The following RHOBTB3 variants were observed in gnomAD, a reference collection of about 807,000 sequenced individuals.
The protein encoded by RHOBTB3 is rho-related BTB domain-containing protein 3.
RHOBTB3 carries 47 observed loss-of-function variants against 67.2 expected under a neutral mutation model. That is an observed-to-expected ratio of 0.70 (90% confidence interval 0.55 to 0.89). The LOEUF (loss-of-function observed/expected upper bound fraction) is 0.89. Ranked by LOEUF, RHOBTB3 falls within the 40% of genes least tolerant of loss-of-function variation. The probability of loss-of-function intolerance (pLI) is 0.00; values close to 1 mark genes in which losing one functional copy is unlikely to be tolerated. For synonymous variants in RHOBTB3, 273 were observed against 274.2 expected (o/e 1.00, Z 0.04); for missense variants, 631 against 750.0 (o/e 0.84, Z 1.85).
At chr5:95,722,824 A>G (rs1438518771) in intron 1 of RHOBTB3, among the ~76,000 whole-genome samples, 1 of 152,264 alleles carries the variant, frequency 6.6e-6, no homozygotes, top group Non-Finnish European at 1.5e-5. Flanking sequence ...ATAACAGAGC[A>G]GGCATATTAA....
At chr5:95,752,564 A>G (rs1267695387) in intron 5 of RHOBTB3, among the ~76,000 whole-genome samples, 1 of 152,206 alleles carries the variant, frequency 6.6e-6, no homozygotes, top group Non-Finnish European at 1.5e-5. Context: ...TTTGAGAAAT[A>G]CTGCTTTAAA....
At chr5:95,747,151 G>A (rs1744945129) in intron 3 of RHOBTB3, among the ~76,000 whole-genome samples, 1 of 151,996 alleles carries the variant, frequency 6.6e-6, no homozygotes. Context: ...CCTGCTCCAG[G>A]GGCTCAGCCC....
chr5:95,753,747 T>G (rs900186794), intron 5 of RHOBTB3, among the ~76,000 whole-genome samples: 4 of 152,184 alleles, frequency 2.6e-5, no homozygotes, highest in Admixed American at 6.5e-5. Context: ...TTAGTTCTTA[T>G]TAATCAAGAA....
chr5:95,734,854 A>AT (rs35287757), intron 2 of RHOBTB3, among the ~76,000 whole-genome samples: 7 of 152,010 alleles, frequency 4.6e-5, no homozygotes, highest in African/African-American at 1.7e-4. Context: ...GCCCAGACCC[A>AT]TTTTTTCATA....
intron 5 of RHOBTB3, among the ~76,000 whole-genome samples, chr5:95,754,306 T>G (rs1372378167): frequency 2.6e-5 from 4 of 152,100 alleles, no homozygotes; most frequent in Admixed American, 6.6e-5. Flanking sequence ...TCTGGGTACA[T>G]ATTTGGGGCT....
Position 95,794,167 on chromosome 5 carries a change from G to T in RHOBTB3, c.*993G>T, listed in dbSNP as rs578182601. The T allele has an allele frequency of 2.0e-4, 76 of 386,192 alleles. No individual in the cohort carries two copies. Among genetic ancestry groups the T allele is most frequent in the Non-Finnish European group, 3.6e-4 (70 of 196,982 alleles). 23.9% of individuals were successfully genotyped at this position (386,192 alleles called of 1,614,324 possible). ...GGGAGAAATGTGTTGTGTTGTCTTA[G>T]CTTTAAAACAGTCACAGTTCTTGCT... On this transcript the variant is annotated 3_prime_UTR_variant, in exon 12 of 12. Transcript: ENST00000379982.
Position 95,748,479 on chromosome 5 carries a change from G to A in RHOBTB3, c.562G>A (p.Gly188Arg), listed in dbSNP as rs1416259036. The change falls in exon 4 of 12, where the codon GGA (glycine) becomes AGA (arginine). Residue 188 changes from glycine (G) to arginine (R), a missense_variant. Gly to Arg is a moderately radical substitution (Grantham distance 125, BLOSUM62 -2). Coordinates refer to ENST00000379982, the MANE Select transcript of RHOBTB3 (RefSeq NM_014899.4). The part of the protein sequence containing the change: ...LDDFYIGKYF[G>R]GVLEYFMIQA... ...TGACTTCTACATAGGAAAGTATTTTGGAGGAGTGGTAAGTGGAAATTCCTG... is the reference window on the plus strand; with the variant it reads ...TGACTTCTACATAGGAAAGTATTTTAGAGGAGTGGTAAGTGGAAATTCCTG... 6.2e-7 allele frequency: 1 copy of A among 1,608,432 alleles called. No individual in the cohort carries two copies. Among genetic ancestry groups the A allele is most frequent in the Non-Finnish European group, 8.5e-7 (1 of 1,177,130 alleles).
At chr5:95,734,930 A>C (rs544658519) in intron 2 of RHOBTB3, among the ~76,000 whole-genome samples, 1 of 152,180 alleles carries the variant, frequency 6.6e-6, no homozygotes, top group African/African-American at 2.4e-5. Flanking sequence ...ATTTTGAACT[A>C]TTTGGAATTC....
chr5:95,778,463 T>C (rs1289564519), intron 8 of RHOBTB3, among the ~76,000 whole-genome samples: 5 of 151,990 alleles, frequency 3.3e-5, no homozygotes, highest in Admixed American at 2.0e-4. Context: ...GTGGAACCCA[T>C]GGATTCGGAG....
At chr5:95,763,442 A>T in intron 6 of RHOBTB3, 66 bp from the exon 7 acceptor site, 1 of 902,914 alleles carries the variant, frequency 1.1e-6, no homozygotes, top group Non-Finnish European at 1.8e-6. Flanking sequence ...TGTATTTAAT[A>T]AGAGATTTAC....
Position 95,736,883 on chromosome 5 carries a change from GT to G in RHOBTB3, c.229-3del. On this transcript the variant is annotated splice_region_variant and splice_polypyrimidine_tract_variant and intron_variant, in intron 2 of 11. Transcript: ENST00000379982. ...ACTAAAGATTGCTATTTGCATTTTG[GT>G]TTAGGACATATTTGACAGTGATTGG... 6.3e-7 allele frequency: 1 copy of G among 1,582,012 alleles called. No individual in the cohort carries two copies. The highest frequency in any genetic ancestry group is 8.6e-7 in the Non-Finnish European group (1 of 1,165,724).
chr5:95,791,052 T>A (rs1007765853), intron 11 of RHOBTB3, among the ~76,000 whole-genome samples: 1 of 152,168 alleles, frequency 6.6e-6, no homozygotes, highest in African/African-American at 2.4e-5. Context: ...CCACTGCACA[T>A]GGTCACCTGA....
intron 8 of RHOBTB3, 199 bp from the exon 9 acceptor site, chr5:95,780,053 G>A: frequency 2.1e-6 from 1 of 471,114 alleles, no homozygotes; most frequent in Non-Finnish European, 3.8e-6. Context: ...TTGGTTTCAA[G>A]GTCAACATCT....
chr5:95,746,322 A>G (rs909201135), intron 3 of RHOBTB3, among the ~76,000 whole-genome samples: 1 of 152,086 alleles, frequency 6.6e-6, no homozygotes, highest in African/African-American at 2.4e-5. Flanking sequence ...TTCTGTCCAG[A>G]AATAAAGTTT....
chr5:95,780,354 C>T lies in RHOBTB3; in HGVS notation c.1385C>T (p.Pro462Leu), dbSNP rs267600739. The change falls in exon 9 of 12, where the codon CCC becomes CTC. Residue 462 changes from proline (P) to leucine (L), a missense_variant. By Grantham distance (98) the Pro-to-Leu change is moderately conservative. Transcript: ENST00000379982. ...NYMEAKSVLI[P>L]VYGVSKETFL... Reference sequence around the variant, plus strand: ...ATGGAAGCAAAGAGTGTCCTGATTCCCGTTTATGGTGTTTCCAAAGAGACT... The same window carrying T: ...ATGGAAGCAAAGAGTGTCCTGATTCTCGTTTATGGTGTTTCCAAAGAGACT... 4 of 1,613,970 alleles carry T rather than the reference C, an allele frequency of 2.5e-6. No individual in the cohort carries two copies. The South Asian group carries it at 3.3e-5, about 13-fold the overall frequency.
intron 8 of RHOBTB3, among the ~76,000 whole-genome samples, chr5:95,778,482 G>A (rs921213061): frequency 1.3e-5 from 2 of 151,250 alleles, no homozygotes; most frequent in Non-Finnish European, 2.9e-5. Flanking sequence ...AGAGCTAACT[G>A]TACTGAGTGT....
At chr5:95,768,689 C>A (rs191713518) in intron 8 of RHOBTB3, among the ~76,000 whole-genome samples, 63 of 152,340 alleles carry the variant, frequency 4.1e-4, no homozygotes, top group African/African-American at 1.3e-3. Context: ...TTCCTCCTAG[C>A]ACTCTGAGAA....
chr5:95,778,347 G>A (rs1745951588), intron 8 of RHOBTB3, among the ~76,000 whole-genome samples: 1 of 151,656 alleles, frequency 6.6e-6, no homozygotes, highest in African/African-American at 2.4e-5. Flanking sequence ...GTATTGTTTA[G>A]GGAATAATGA....
At chr5:95,778,967 C>T (rs547096411) in intron 8 of RHOBTB3, among the ~76,000 whole-genome samples, 1 of 152,208 alleles carries the variant, frequency 6.6e-6, no homozygotes, top group African/African-American at 2.4e-5. Context: ...GCAGTAGGCT[C>T]AGAGCTGGCA....
Sources: gnomAD v4.1 joint callset for allele counts (sites outside exome capture counted in the v4.1 genomes callset) on GRCh38, gnomAD v4.1.1 for gene constraint, MANE v1.5 for transcripts, NCBI Gene and HGNC (gene_info 2026-07-23, HGNC 2026-07-21) for gene names.